OSBPL7: variants seen among roughly 807,000 people sequenced by gnomAD.
The protein encoded by OSBPL7 is oxysterol-binding protein-related protein 7.
In OSBPL7, 66 loss-of-function variants were observed where a neutral mutation model predicts 115.8. The observed-to-expected ratio is 0.57, with a 90% CI of 0.47 to 0.70. The LOEUF (loss-of-function observed/expected upper bound fraction) is 0.70. Ranked by LOEUF, OSBPL7 falls within the 30% of genes least tolerant of loss-of-function variation. The pLI is 0.00. For synonymous variants in OSBPL7, 441 were observed against 439.2 expected (o/e 1.00, Z -0.05); for missense variants, 902 against 1,125.5 (o/e 0.80, Z 2.84).
chr17:47,813,558 G>A (rs754762078), intron 15 of OSBPL7, 29 bp downstream of exon 15: 3 of 1,599,454 alleles, frequency 1.9e-6, no homozygotes, highest in Non-Finnish European at 2.6e-6. Flanking sequence ...AGCAGCCTTG[G>A]GCTGGGCGTG....
chr17:47,814,901 G>T (rs1454920665), intron 13 of OSBPL7: 2 of 561,494 alleles, frequency 3.6e-6, no homozygotes, highest in Non-Finnish European at 6.3e-6. Context: ...TGAGGGTCAG[G>T]GTTTTGGAAG....
At position 47,808,501 on chromosome 17, in the gene OSBPL7, A is replaced by G. The variant is rs1158346324; in HGVS notation, c.2420+37T>C. 1.2e-6 allele frequency: 2 copies of G among 1,614,096 alleles called. No homozygotes were observed. The highest frequency in any genetic ancestry group is 1.6e-4 in the Middle Eastern group (1 of 6,062). The stretch of plus-strand genomic sequence containing the variant: ...ACCTGCCCTGCTCCAAGCAGGGCTC[A>G]TGGGGAGACCCAGGGCGGAGGGCGA... On this transcript the variant is annotated intron_variant, in intron 22 of 22. Transcript: ENST00000007414. This position sits in a 1 kb window ranked among gnomAD's most constrained non-coding sequence, Gnocchi z 6.1.
chr17:47,815,018 A>T lies in OSBPL7; in HGVS notation c.1257+197T>A, dbSNP rs1003736752. On this transcript the variant is annotated intron_variant, in intron 13 of 22. Transcript: ENST00000007414. ...AACCCAATGGGGATACAAATGTCACACTCCTCTAGGAGAAGAGTCCCTAGC... is the reference window on the plus strand; with the variant it reads ...AACCCAATGGGGATACAAATGTCACTCTCCTCTAGGAGAAGAGTCCCTAGC... 1.6e-5 allele frequency: 11 copies of T among 697,844 alleles called. No individual in the cohort carries two copies. The African/African-American group carries it at 1.6e-4, about 10-fold the overall frequency. 43.2% of individuals were successfully genotyped at this position (697,844 alleles called of 1,614,324 possible).
chr17:47,816,880 G>A lies in OSBPL7; in HGVS notation c.703-8C>T. On this transcript the variant is annotated splice_polypyrimidine_tract_variant and splice_region_variant and intron_variant, in intron 8 of 22. Transcript: ENST00000007414. The surrounding 1 kb of genome is among the most constrained non-coding windows in gnomAD (Gnocchi z 5.8). Reference sequence around the variant, plus strand: ...TTCGGTTGTCACTGAGGCCTGGCAAGTCAAGGTGGGGGCAATTTTACTCAC... The same window carrying A: ...TTCGGTTGTCACTGAGGCCTGGCAAATCAAGGTGGGGGCAATTTTACTCAC... 6.2e-7 allele frequency: 1 copy of A among 1,613,744 alleles called. No individual in the cohort carries two copies. The highest frequency in any genetic ancestry group is 8.5e-7 in the Non-Finnish European group (1 of 1,179,890).
intron 13 of OSBPL7, 22 bp downstream of exon 13, chr17:47,815,193 G>A (rs2033173443): frequency 2.5e-6 from 4 of 1,601,190 alleles, no homozygotes; most frequent in Admixed American, 1.7e-5. Flanking sequence ...CCGCCTCACT[G>A]CCAGCTTCTC....
chr17:47,815,926 C>T (rs776847174), intron 12 of OSBPL7, 181 bp downstream of exon 12: 19 of 559,580 alleles, frequency 3.4e-5, no homozygotes, highest in East Asian at 2.1e-4. Context: ...GTACCCTGCA[C>T]GTTGTTACAC....
rs1245294278 is a variant in OSBPL7 at position 47,819,340 on chromosome 17, TCAGGGGTCTG to T, written c.256-251_256-242del. On this transcript the variant is annotated intron_variant, in intron 4 of 22. Coordinates refer to ENST00000007414, the MANE Select transcript of OSBPL7 (RefSeq NM_145798.3). ...AGATCAAGAAAAACTATTCCCACCCTCAGGGGTCTGCAGGGTTGTGGAAGGCAACACCCTC... is the reference window on the plus strand; with the variant it reads ...AGATCAAGAAAAACTATTCCCACCCTCAGGGTTGTGGAAGGCAACACCCTC... The T allele has an allele frequency of 5.3e-6, 3 of 568,960 alleles. No homozygotes were observed. The African/African-American group carries it at 5.6e-5, about 11-fold the overall frequency. The allele number at this position is 568,960 out of a possible 1,614,324, so 35.2% of individuals were successfully genotyped here. A position where few individuals can be genotyped will look rare whatever the true frequency, so the allele number is the denominator to read the frequency against.
At chr17:47,809,304 G>T in intron 19 of OSBPL7, 30 bp downstream of exon 19, 1 of 1,611,448 alleles carries the variant, frequency 6.2e-7, no homozygotes, top group Non-Finnish European at 8.5e-7. Context: ...TGCCGGGGAT[G>T]GATGGGCAGG....
Position 47,808,121 on chromosome 17 carries a change from G to A in OSBPL7, c.*170C>T, listed in dbSNP as rs546251437. Reference sequence around the variant, plus strand: ...TCTCACCCCAAACGGTGGGGTTGGGGGTGGGCTGAGATGCAGACCCTCTGG... The same window carrying A: ...TCTCACCCCAAACGGTGGGGTTGGGAGTGGGCTGAGATGCAGACCCTCTGG... On this transcript the variant is annotated 3_prime_UTR_variant, in exon 23 of 23. Transcript: ENST00000007414. This position sits in a 1 kb window ranked among gnomAD's most constrained non-coding sequence, Gnocchi z 6.1. The A allele has an allele frequency of 1.3e-5, 8 of 602,324 alleles. No individual in the cohort carries two copies. The East Asian group carries it at 2.2e-4, about 17-fold the overall frequency. The allele number at this position is 602,324 out of a possible 1,614,324, so 37.3% of individuals were successfully genotyped here.
In OSBPL7 at chr17:47,819,999, C is replaced by T; in HGVS notation, c.173G>A (p.Arg58Lys). Reference protein sequence around the residue: ...ERQEGHLLKKRKWPLKGWHKR... With the variant: ...ERQEGHLLKKKKWPLKGWHKR... ...GTGCCAGCCCTTCAGAGGCCACTTCCTCTTCTTGAGCAGGTGACCTTCCTG... is the reference window on the plus strand; with the variant it reads ...GTGCCAGCCCTTCAGAGGCCACTTCTTCTTCTTGAGCAGGTGACCTTCCTG... The change falls in exon 3 of 23, where the codon AGG (arginine) becomes AAG (lysine). Residue 58 changes from arginine (R) to lysine (K), a missense_variant. Arg to Lys is a conservative substitution (Grantham distance 26). Coordinates refer to ENST00000007414, the MANE Select transcript of OSBPL7 (RefSeq NM_145798.3). 4 of 1,608,800 alleles carry T rather than the reference C, an allele frequency of 2.5e-6. No individual in the cohort carries two copies. Among genetic ancestry groups the T allele is most frequent in the Non-Finnish European group, 3.4e-6 (4 of 1,178,372 alleles).
chr17:47,808,319 C>T lies in OSBPL7; in HGVS notation c.2501G>A (p.Gly834Glu), dbSNP rs1319325485. 1.9e-6 allele frequency: 3 copies of T among 1,613,952 alleles called. No homozygotes were observed. The African/African-American group carries it at 4.0e-5, about 22-fold the overall frequency. The change falls in exon 23 of 23, where the codon GGG (glycine) becomes GAG (glutamate). Residue 834 changes from glycine to glutamate, a missense_variant. Coordinates refer to ENST00000007414, the MANE Select transcript of OSBPL7 (RefSeq NM_145798.3). The surrounding 1 kb of genome is among the most constrained non-coding windows in gnomAD (Gnocchi z 6.1). ...CCAGAGCACGGCCCCATCCATGTTC[C>T]CATAGCCTGGCTCGGCCCGCAGCCT... The part of the protein sequence containing the change: ...YWRLRAEPGY[G>E]NMDGAVLW
In OSBPL7 at chr17:47,807,937, C is replaced by G; in HGVS notation, c.*354G>C. On this transcript the variant is annotated 3_prime_UTR_variant, in exon 23 of 23. Transcript: ENST00000007414. ...AAAGCCTGGGGAGCGTCAAGGAGTCCCCTGTGTCCTAGGAAGGCACTGAAA... is the reference window on the plus strand; with the variant it reads ...AAAGCCTGGGGAGCGTCAAGGAGTCGCCTGTGTCCTAGGAAGGCACTGAAA... The G allele has an allele frequency of 3.5e-6, 1 of 289,056 alleles. No homozygotes were observed. The highest frequency in any genetic ancestry group is 5.0e-5 in the South Asian group (1 of 20,196). The allele number at this position is 289,056 out of a possible 1,614,324, so 17.9% of individuals were successfully genotyped here.
chr17:47,819,325 A>G (rs1314671591), intron 4 of OSBPL7: 10 of 574,068 alleles, frequency 1.7e-5, no homozygotes, highest in Non-Finnish European at 3.1e-5. Flanking sequence ...AGATCAAGAA[A>G]AACTATTCCC....
At chr17:47,814,682 C>T (rs1268613243) in intron 13 of OSBPL7, 68 bp from the exon 14 acceptor site, 1 of 1,414,510 alleles carries the variant, frequency 7.1e-7, no homozygotes, top group Non-Finnish European at 9.9e-7. Flanking sequence ...GTGCCCAGGG[C>T]CTGGCAAGAA....
At chr17:47,812,630 C>T (rs1188158583) in intron 16 of OSBPL7, among the ~76,000 whole-genome samples, 1 of 152,232 alleles carries the variant, frequency 6.6e-6, no homozygotes, top group African/African-American at 2.4e-5. Flanking sequence ...GAGGACCAGC[C>T]CCTGTCCGGG....
intron 3 of OSBPL7, 37 bp downstream of exon 3, chr17:47,819,934 C>CCCCGGGGGGGG: frequency 6.3e-7 from 1 of 1,588,778 alleles, no homozygotes; most frequent in Non-Finnish European, 8.6e-7. Context: ...CACCCCGCCC[C>CCCCGGGGGGGG]CCATGTCTGG....
Position 47,808,516 on chromosome 17 carries a change from G to A in OSBPL7, c.2420+22C>T. The A allele has an allele frequency of 6.2e-7, 1 of 1,614,180 alleles. No individual in the cohort carries two copies. The highest frequency in any genetic ancestry group is 8.5e-7 in the Non-Finnish European group (1 of 1,179,990). On this transcript the variant is annotated intron_variant, in intron 22 of 22. Transcript: ENST00000007414. The surrounding 1 kb of genome is among the most constrained non-coding windows in gnomAD (Gnocchi z 6.1). ...AGCAGGGCTCATGGGGAGACCCAGG[G>A]CGGAGGGCGAGGCCGAGGCACCTGA...
intron 14 of OSBPL7, 26 bp downstream of exon 14, chr17:47,814,495 T>TCCCTTCCCC: frequency 2.8e-6 from 1 of 351,498 alleles, no homozygotes; most frequent in South Asian, 2.3e-5. Flanking sequence ...CTCCCACCCC[T>TCCCTTCCCC]CCCTGCCTGC....
At position 47,818,635 on chromosome 17, in the gene OSBPL7, G is replaced by C. The variant is rs201147627; in HGVS notation, c.370-19C>G. 31 of 1,600,016 alleles carry C rather than the reference G, an allele frequency of 1.9e-5. No homozygotes were observed. In the East Asian group the frequency reaches 4.7e-4, roughly 24 times the overall value. ...ATTTGATCTGCAGAAGTGATGGAGA[G>C]GGGGAGGGCTATCTGAAGAGAGGGA... On this transcript the variant is annotated intron_variant, in intron 5 of 22. Coordinates refer to ENST00000007414, the MANE Select transcript of OSBPL7 (RefSeq NM_145798.3).
Sources: gnomAD v4.1 joint callset for allele counts (sites outside exome capture counted in the v4.1 genomes callset) on GRCh38, gnomAD v4.1.1 for gene constraint, Gnocchi (gnomAD v3.1) non-coding constraint, MANE v1.5 for transcripts, NCBI Gene and HGNC (gene_info 2026-07-23, HGNC 2026-07-21) for gene names.